Variants in SNTG2 observed in about 807,000 individuals in gnomAD.
SNTG2 encodes syntrophin gamma 2, also known as gamma-2-syntrophin.
SNTG2 carries 74 observed loss-of-function variants against 70.9 expected under a neutral mutation model. The observed-to-expected ratio is 1.04, with a 90% CI of 0.86 to 1.27. The LOEUF (loss-of-function observed/expected upper bound fraction) is 1.27. Ranked by LOEUF, SNTG2 falls within the 50% of genes most tolerant of loss-of-function variation. The pLI, the probability that SNTG2 is intolerant of heterozygous loss-of-function variation, is 0.00. For missense variants in SNTG2, 717 were observed against 690.7 expected (o/e 1.04, Z -0.43); for synonymous variants, 278 against 273.8 (o/e 1.02, Z -0.15).
chr2:1,098,677 G>A lies in SNTG2; in HGVS notation c.325+267G>A, dbSNP rs534830294. 3.2e-4 allele frequency among the ~76,000 whole-genome samples: 48 copies of A among 152,274 alleles called. 2 individuals are homozygous for A. The highest frequency in any genetic ancestry group is 1.2e-3 in the African/African-American group (48 of 41,556). Reference sequence around the variant, plus strand: ...AGGTTATCCCCCCTCTAAAGATATTGATGATTCAGGGGTTTGAATGCTGAT... The same window carrying A: ...AGGTTATCCCCCCTCTAAAGATATTAATGATTCAGGGGTTTGAATGCTGAT... On this transcript the variant is annotated intron_variant, in intron 4 of 16. Coordinates refer to ENST00000308624, the MANE Select transcript of SNTG2 (RefSeq NM_018968.4).
intron 8 of SNTG2, among the ~76,000 whole-genome samples, chr2:1,192,555 CATG>C (rs925872622): frequency 1.3e-5 from 2 of 151,962 alleles, no homozygotes; most frequent in Admixed American, 6.5e-5. Flanking sequence ...TTAGAAAACA[CATG>C]ATGTTTTCTA....
intron 9 of SNTG2, among the ~76,000 whole-genome samples, chr2:1,234,707 GC>G (rs1676491514): frequency 6.6e-6 from 1 of 152,170 alleles, no homozygotes; most frequent in Non-Finnish European, 1.5e-5. Flanking sequence ...TGCATTCACT[GC>G]CTCAGGGGGC....
chr2:1,110,464 C>T (rs1418222325), intron 4 of SNTG2, among the ~76,000 whole-genome samples: 1 of 152,130 alleles, frequency 6.6e-6, no homozygotes, highest in Non-Finnish European at 1.5e-5. Context: ...AGCCTTTCTC[C>T]CCTAATACCT....
At chr2:1,279,593 C>A (rs1679432724) in intron 14 of SNTG2, among the ~76,000 whole-genome samples, 1 of 152,174 alleles carries the variant, frequency 6.6e-6, no homozygotes, top group Admixed American at 6.5e-5. Flanking sequence ...GTGGTTTGTG[C>A]TGTTTTTTTG....
intron 9 of SNTG2, among the ~76,000 whole-genome samples, chr2:1,231,236 A>G (rs1676221051): frequency 6.6e-6 from 1 of 152,030 alleles, no homozygotes; most frequent in African/African-American, 2.4e-5. Flanking sequence ...GGATAATGAC[A>G]GTGCCTCTTC....
At chr2:1,337,483 A>G (rs138264461) in intron 16 of SNTG2, among the ~76,000 whole-genome samples, 83 of 152,230 alleles carry the variant, frequency 5.5e-4, no homozygotes, top group African/African-American at 1.9e-3. Context: ...ACACTTCTAT[A>G]TCTTCCCTAA....
At chr2:1,148,550 A>C (rs1207925555) in intron 6 of SNTG2, among the ~76,000 whole-genome samples, 7 of 152,174 alleles carry the variant, frequency 4.6e-5, no homozygotes, top group Non-Finnish European at 1.0e-4. Context: ...TGAAGATGCC[A>C]GCTTGCTATT....
rs192264442 is a variant in SNTG2, at chr2:1,098,214, C to T, written c.229C>T (p.Arg77Cys). The T allele has an allele frequency of 4.0e-5, 65 of 1,613,876 alleles. No individual in the cohort carries two copies. The highest frequency in any genetic ancestry group is 3.3e-4 in the East Asian group (15 of 44,894). ...QGRNRRTVTL[R>C]RQPVGGLGLS... is the part of the protein sequence containing the mutation. The stretch of plus-strand genomic sequence containing the variant: ...TTTAAAGCGCAGAACTGTTACACTC[C>T]GCAGACAGCCAGTTGGCGGCTTGGG... Residue 77 changes from arginine to cysteine, a missense_variant, in exon 3 of 17, where the codon CGC (arginine) becomes TGC (cysteine). Transcript: ENST00000308624.
chr2:1,355,143 C>T (rs1387846078), intron 16 of SNTG2, among the ~76,000 whole-genome samples: 1 of 152,240 alleles, frequency 6.6e-6, no homozygotes, highest in African/African-American at 2.4e-5. Flanking sequence ...TTATACCTTC[C>T]ACTGTGTGAC....
chr2:1,195,639 T>G (rs948986644), intron 8 of SNTG2, among the ~76,000 whole-genome samples: 1 of 152,198 alleles, frequency 6.6e-6, no homozygotes, highest in Non-Finnish European at 1.5e-5. Flanking sequence ...GTCAGATGAA[T>G]AGATTGCAAA....
chr2:1,367,421 C>T lies in SNTG2; in HGVS notation c.1567C>T (p.Pro523Ser), dbSNP rs1402210054. Residue 523 changes from proline to serine, a missense_variant, in exon 17 of 17, where the codon CCC becomes TCC. Transcript: ENST00000308624. Reference protein sequence around the residue: ...FIAAKVASVDPGFMDSQSLAR... With the variant: ...FIAAKVASVDSGFMDSQSLAR... The stretch of plus-strand genomic sequence containing the variant: ...AGCAGCCAAGGTGGCCTCCGTGGAC[C>T]CCGGCTTCATGGACAGTCAGAGTCT... 7 of 1,551,692 alleles carry T rather than the reference C, an allele frequency of 4.5e-6. No individual in the cohort carries two copies. In the East Asian group the frequency reaches 1.7e-4, roughly 38 times the overall value.
intron 1 of SNTG2, among the ~76,000 whole-genome samples, chr2:989,942 C>G (rs1661436416): frequency 6.6e-6 from 1 of 152,182 alleles, no homozygotes; most frequent in South Asian, 2.1e-4. Flanking sequence ...CCAAGGGGAC[C>G]CTGCTGCATG....
At chr2:1,072,740 C>T (rs1456101814) in intron 1 of SNTG2, among the ~76,000 whole-genome samples, 3 of 152,012 alleles carry the variant, frequency 2.0e-5, no homozygotes, top group Non-Finnish European at 4.4e-5. Flanking sequence ...GAGAGTGATT[C>T]CTCTGATGGA....
At chr2:1,073,351 C>A (rs879234046) in intron 1 of SNTG2, among the ~76,000 whole-genome samples, 1 of 152,188 alleles carries the variant, frequency 6.6e-6, no homozygotes, top group East Asian at 1.9e-4. Context: ...CATCTTGATC[C>A]GTCAGCCTAC....
At position 1,309,172 on chromosome 2, in the gene SNTG2, TA is replaced by T. The variant is rs536930017; in HGVS notation, c.1377+594del. ...GTGTTGGTAAGATAAATACGGTTGTTAAAAAAAATTTCAACAAATCGAGTTG... is the reference window on the plus strand; with the variant it reads ...GTGTTGGTAAGATAAATACGGTTGTTAAAAAAATTTCAACAAATCGAGTTG... On this transcript the variant is annotated intron_variant, in intron 15 of 16. Transcript: ENST00000308624. Among the ~76,000 whole-genome samples the T allele has an allele frequency of 3.3e-5, 5 of 152,246 alleles. No individual in the cohort carries two copies. In the East Asian group the frequency reaches 5.8e-4, roughly 18 times the overall value.
intron 1 of SNTG2, among the ~76,000 whole-genome samples, chr2:1,075,031 T>C (rs1362137302): frequency 6.6e-6 from 1 of 152,238 alleles, no homozygotes; most frequent in Non-Finnish European, 1.5e-5. Context: ...TGGAATCATA[T>C]CTGACTATAC....
At chr2:1,267,313 T>TG in intron 13 of SNTG2, 52 bp from the exon 14 acceptor site, 1 of 1,513,570 alleles carries the variant, frequency 6.6e-7, no homozygotes, top group South Asian at 1.2e-5. Flanking sequence ...GCCCTCAGCA[T>TG]GGGAATGACC....
intron 1 of SNTG2, among the ~76,000 whole-genome samples, chr2:996,156 A>G (rs1013118016): frequency 1.3e-5 from 2 of 152,190 alleles, no homozygotes; most frequent in African/African-American, 2.4e-5. Flanking sequence ...CCTGAGTGTC[A>G]TGGAGGAGTT....
At chr2:1,306,184 T>C (rs4293594) in intron 14 of SNTG2, among the ~76,000 whole-genome samples, 100,606 of 151,932 alleles carry the variant, frequency 0.66, 33,532 homozygotes, top group African/African-American at 0.73. Flanking sequence ...CCACTCATTG[T>C]GATCTGCTCT....
Sources: gnomAD v4.1 joint callset for allele counts (sites outside exome capture counted in the v4.1 genomes callset) on GRCh38, gnomAD v4.1.1 for gene constraint, MANE v1.5 for transcripts, NCBI Gene and HGNC (gene_info 2026-07-23, HGNC 2026-07-21) for gene names.